PRKG1: variants seen among roughly 807,000 people sequenced by gnomAD.
The protein encoded by PRKG1 is cGMP-dependent protein kinase 1.
A neutral mutation model predicts 88.1 loss-of-function variants in PRKG1; 35 were observed. The ratio of observed to expected loss-of-function variants is 0.40; its 90% CI spans 0.30 to 0.53. The LOEUF is 0.53. Among genes scored for constraint, PRKG1 ranks in the 20% least tolerant of loss-of-function variants. PRKG1 has a pLI of 0.59. For synonymous variants in PRKG1, 303 were observed against 292.5 expected (o/e 1.04, Z -0.37); for missense variants, 540 against 839.8 (o/e 0.64, Z 4.41).
chr10:52,048,246 G>A (rs2133242503), intron 5 of PRKG1, among the ~76,000 whole-genome samples: 1 of 151,904 alleles, frequency 6.6e-6, no homozygotes, highest in East Asian at 1.9e-4. Context: ...TTTTATTGAT[G>A]ATCTATGCTT....
intron 5 of PRKG1, among the ~76,000 whole-genome samples, chr10:52,028,631 A>C (rs1845403205): frequency 6.6e-6 from 1 of 152,156 alleles, no homozygotes; most frequent in Admixed American, 6.5e-5. Context: ...ACAGATCCTA[A>C]GTGTACCTGT....
At chr10:51,505,182 G>A (rs1841158136) in intron 3 of PRKG1, among the ~76,000 whole-genome samples, 1 of 152,072 alleles carries the variant, frequency 6.6e-6, no homozygotes, top group Non-Finnish European at 1.5e-5. Context: ...TTAGCATGAA[G>A]GGTTGTTGAA....
At position 51,692,312 on chromosome 10, in the gene PRKG1, G is replaced by A. The variant is rs530697736; in HGVS notation, c.593-112273G>A. Among the ~76,000 whole-genome samples, 371 of 151,726 alleles carry A rather than the reference G, an allele frequency of 2.4e-3. 2 individuals are homozygous for A. The highest frequency in any genetic ancestry group is 0.017 in the Middle Eastern group (5 of 294). ...GGCTGGAGTGCAGTGGCGCGATCTCGGCTCACTGCAAGTTCCGCCTCCTGG... is the reference window on the plus strand; with the variant it reads ...GGCTGGAGTGCAGTGGCGCGATCTCAGCTCACTGCAAGTTCCGCCTCCTGG... On this transcript the variant is annotated intron_variant, in intron 3 of 17. Transcript: ENST00000373980.
chr10:52,003,642 G>GA (rs1439059454), intron 5 of PRKG1, among the ~76,000 whole-genome samples: 2 of 152,178 alleles, frequency 1.3e-5, no homozygotes, highest in Non-Finnish European at 2.9e-5. Flanking sequence ...ATACGAACCA[G>GA]ACGAAGAGTC....
intron 2 of PRKG1, 74 bp from the exon 3 acceptor site, chr10:51,467,649 C>A: frequency 8.0e-7 from 1 of 1,245,592 alleles, no homozygotes; most frequent in Non-Finnish European, 1.2e-6. Flanking sequence ...TAACACTCCT[C>A]TTCACATTAA....
At chr10:51,317,615 A>C (rs2132502125) in intron 2 of PRKG1, among the ~76,000 whole-genome samples, 1 of 152,324 alleles carries the variant, frequency 6.6e-6, no homozygotes, top group African/African-American at 2.4e-5. Context: ...AGCCCAGAGT[A>C]ATAGGGAGGC....
At chr10:51,343,355 C>G (rs909329161) in intron 2 of PRKG1, among the ~76,000 whole-genome samples, 8 of 152,090 alleles carry the variant, frequency 5.3e-5, no homozygotes, top group Non-Finnish European at 2.9e-5. Context: ...CACCGCTCTC[C>G]CACCTGTGAT....
intron 3 of PRKG1, among the ~76,000 whole-genome samples, chr10:51,567,741 C>T (rs963044715): frequency 8.5e-5 from 13 of 152,048 alleles, no homozygotes; most frequent in Non-Finnish European, 1.9e-4. Flanking sequence ...CCTGCACCAC[C>T]ACGCCCAGCT....
At chr10:51,868,473 A>G (rs1214375561) in intron 4 of PRKG1, among the ~76,000 whole-genome samples, 1 of 152,134 alleles carries the variant, frequency 6.6e-6, no homozygotes, top group Admixed American at 6.5e-5. Context: ...TTAAGAATAA[A>G]TATTACTATT....
Position 51,277,707 on chromosome 10 carries a change from C to A in PRKG1, c.478+124377C>A, listed in dbSNP as rs576687107. 8.4e-3 allele frequency among the ~76,000 whole-genome samples: 1,285 copies of A among 152,226 alleles called. 10 individuals are homozygous for A. The highest frequency in any genetic ancestry group is 0.013 in the Non-Finnish European group (873 of 68,014). ...AAGTTGGATTCCTAGGTATTTTATTCTCTTTGAAGCAATTGTGAATGGGAG... is the reference window on the plus strand; with the variant it reads ...AAGTTGGATTCCTAGGTATTTTATTATCTTTGAAGCAATTGTGAATGGGAG... On this transcript the variant is annotated intron_variant, in intron 2 of 17. Transcript: ENST00000373980.
intron 1 of PRKG1, among the ~76,000 whole-genome samples, chr10:51,095,819 G>A (rs1844514753): frequency 1.3e-5 from 2 of 152,116 alleles, no homozygotes; most frequent in South Asian, 4.1e-4. Context: ...AAGACTCCTA[G>A]TGAAATTCAC....
intron 3 of PRKG1, among the ~76,000 whole-genome samples, chr10:51,675,010 G>A (rs1840675224): frequency 6.6e-6 from 1 of 152,136 alleles, no homozygotes; most frequent in South Asian, 2.1e-4. Context: ...TGAAGCAAAT[G>A]TTACGTAGGT....
intron 5 of PRKG1, among the ~76,000 whole-genome samples, chr10:51,947,813 G>A (rs546215817): frequency 6.6e-6 from 1 of 151,920 alleles, no homozygotes; most frequent in Admixed American, 6.5e-5. Flanking sequence ...CAAGATTTGG[G>A]GTGGAGAGGG....
At chr10:51,825,744 T>G (rs1285842733) in intron 4 of PRKG1, among the ~76,000 whole-genome samples, 2 of 152,138 alleles carry the variant, frequency 1.3e-5, no homozygotes, top group Non-Finnish European at 2.9e-5. Context: ...GTGTCAGAAT[T>G]TAGCTGCACA....
chr10:51,364,722 C>T (rs879922344), intron 2 of PRKG1, among the ~76,000 whole-genome samples: 4 of 151,836 alleles, frequency 2.6e-5, no homozygotes, highest in Non-Finnish European at 5.9e-5. Flanking sequence ...GTGTAAATAT[C>T]TGAGAAATGT....
At chr10:51,370,847 C>G (rs979884574) in intron 2 of PRKG1, among the ~76,000 whole-genome samples, 5 of 151,928 alleles carry the variant, frequency 3.3e-5, no homozygotes, top group African/African-American at 1.2e-4. Context: ...AAAGCCCATG[C>G]CAGTTCAGAC....
At chr10:51,447,647 T>C (rs1839314471) in intron 2 of PRKG1, among the ~76,000 whole-genome samples, 1 of 148,132 alleles carries the variant, frequency 6.8e-6, no homozygotes, top group African/African-American at 2.5e-5. Context: ...CCTCTTCATC[T>C]GCAGTTTCTA....
intron 5 of PRKG1, among the ~76,000 whole-genome samples, chr10:51,981,585 C>CAATA (rs1162481842): frequency 3.4e-4 from 51 of 151,748 alleles, no homozygotes; most frequent in South Asian, 1.9e-3. Context: ...GACTCTGTCT[C>CAATA]AATAAATAAA....
At chr10:52,265,024 G>C (rs1273415296) in intron 10 of PRKG1, among the ~76,000 whole-genome samples, 1 of 151,874 alleles carries the variant, frequency 6.6e-6, no homozygotes, top group Non-Finnish European at 1.5e-5. Context: ...GTTTCTATAA[G>C]GTTAAATATA....
Sources: gnomAD v4.1 joint callset for allele counts (sites outside exome capture counted in the v4.1 genomes callset) on GRCh38, gnomAD v4.1.1 for gene constraint, MANE v1.5 for transcripts, NCBI Gene and HGNC (gene_info 2026-07-23, HGNC 2026-07-21) for gene names.